Variants in CCDC171 observed in about 807,000 individuals in gnomAD.
CCDC171 encodes the protein coiled-coil domain containing 171.
In CCDC171, 177 loss-of-function variants were observed where a neutral mutation model predicts 168.2. The observed-to-expected ratio is 1.05, with a 90% CI of 0.93 to 1.19. The LOEUF is 1.19. Ranked by LOEUF, CCDC171 falls within the 50% of genes most tolerant of loss-of-function variation. The pLI is 0.00. For synonymous variants in CCDC171, 687 were observed against 540.8 expected (o/e 1.27, Z -3.75); for missense variants, 1,991 against 1,539.0 (o/e 1.29, Z -4.91).
In CCDC171 at chr9:15,594,036, T is replaced by C; in HGVS notation, c.544-5T>C. 2 of 1,575,968 alleles carry C rather than the reference T, an allele frequency of 1.3e-6. No homozygotes were observed. The highest frequency in any genetic ancestry group is 2.3e-5 in the East Asian group (1 of 43,934). On this transcript the variant is annotated splice_region_variant and splice_polypyrimidine_tract_variant and intron_variant, in intron 5 of 25. Transcript: ENST00000380701. Reference sequence around the variant, plus strand: ...ACAGTAAAGCAAGATTTTATTTATATAAAGGAAGCGTTGGAAAAACATCAA... The same window carrying C: ...ACAGTAAAGCAAGATTTTATTTATACAAAGGAAGCGTTGGAAAAACATCAA...
chr9:15,583,449 A>G (rs1171216439), intron 4 of CCDC171, among the ~76,000 whole-genome samples: 2 of 152,020 alleles, frequency 1.3e-5, no homozygotes, highest in South Asian at 2.1e-4. Context: ...ATATACAGCA[A>G]GGAATACTAC....
intron 7 of CCDC171, among the ~76,000 whole-genome samples, chr9:15,631,484 C>A (rs1322130594): frequency 1.3e-5 from 2 of 152,016 alleles, no homozygotes; most frequent in Non-Finnish European, 1.5e-5. Flanking sequence ...AGAAGTTGAC[C>A]TTCTGAATAG....
intron 7 of CCDC171, among the ~76,000 whole-genome samples, chr9:15,643,827 G>A (rs1307455771): frequency 1.3e-5 from 2 of 152,160 alleles, no homozygotes; most frequent in East Asian, 3.8e-4. Flanking sequence ...CATACAGCAT[G>A]TGGTCTTTTG....
chr9:15,744,728 A>C lies in CCDC171; in HGVS notation c.2505A>C (p.Ile835=). 6.2e-7 allele frequency: 1 copy of C among 1,614,080 alleles called. No individual in the cohort carries two copies. The highest frequency in any genetic ancestry group is 1.1e-5 in the South Asian group (1 of 91,086). ...FTWMESFKEG[I]GMLVCTGEPQ... is the part of the protein sequence containing the mutation. ...GGATGGAGAGTTTCAAAGAAGGCAT[A>C]GGCATGTTAGTGTGCACAGGAGAGC... The change falls in exon 17 of 26, where the codon ATA becomes ATC. Residue 835 remains isoleucine, a synonymous_variant. Coordinates refer to ENST00000380701, the MANE Select transcript of CCDC171 (RefSeq NM_173550.4).
At chr9:15,844,677 G>A (rs1301079426) in intron 21 of CCDC171, among the ~76,000 whole-genome samples, 1 of 151,962 alleles carries the variant, frequency 6.6e-6, no homozygotes, top group African/African-American at 2.4e-5. Flanking sequence ...AATAGTATAA[G>A]CTTTAGAAGA....
chr9:15,578,199 T>C (rs183009827), intron 3 of CCDC171, among the ~76,000 whole-genome samples: 13 of 151,790 alleles, frequency 8.6e-5, no homozygotes, highest in African/African-American at 3.1e-4. Flanking sequence ...TCATGCATTT[T>C]TTTGTTTGTT....
At chr9:16,039,726 C>T (rs938521146), upstream of CCDC171, among the ~76,000 whole-genome samples, 1 of 152,158 alleles carries the variant, frequency 6.6e-6, no homozygotes, top group East Asian at 1.9e-4. Context: ...AGAATTTGCA[C>T]ACATTACTCC....
chr9:16,093,204 A>C, the CCDC171 span, among the ~76,000 whole-genome samples: 2 of 152,198 alleles, frequency 1.3e-5, no homozygotes, highest in African/African-American at 4.8e-5. Flanking sequence ...TCTTTGATGA[A>C]AAGCAAATAC....
At chr9:15,750,433 A>G (rs1213075906) in intron 18 of CCDC171, among the ~76,000 whole-genome samples, 3 of 152,194 alleles carry the variant, frequency 2.0e-5, no homozygotes, top group African/African-American at 7.2e-5. Context: ...TACCCAATCA[A>G]TAGAAAAAGA....
rs1201925522 is a variant in CCDC171, at chr9:15,817,775, A to G, written c.3268-28927A>G. Among the ~76,000 whole-genome samples the G allele has an allele frequency of 5.1e-5, 6 of 118,632 alleles. 1 individual carries two copies. Among genetic ancestry groups the G allele is most frequent in the African/African-American group, 1.9e-4 (6 of 31,642 alleles). 77.8% of individuals were successfully genotyped at this position (118,632 alleles called of 152,430 possible). A position where few individuals can be genotyped will look rare whatever the true frequency, so the allele number is the denominator to read the frequency against. The stretch of plus-strand genomic sequence containing the variant: ...TAGGCTCTACCTCTGGGGGCAGGGC[A>G]CAGACAAACAAAAGGCAGCAATAAC... On this transcript the variant is annotated intron_variant, in intron 21 of 25. Coordinates refer to ENST00000380701, the MANE Select transcript of CCDC171 (RefSeq NM_173550.4).
intron 9 of CCDC171, among the ~76,000 whole-genome samples, chr9:15,668,588 A>G (rs1044643701): frequency 1.3e-5 from 2 of 152,150 alleles, no homozygotes; most frequent in Non-Finnish European, 1.5e-5. Flanking sequence ...ATGACAAGTA[A>G]TAACTAAACC....
chr9:15,894,546 C>T (rs1820652294), intron 24 of CCDC171, among the ~76,000 whole-genome samples: 1 of 152,090 alleles, frequency 6.6e-6, no homozygotes, highest in Admixed American at 6.6e-5. Context: ...GCCTTGGGCT[C>T]TTCATGATCT....
At chr9:15,605,638 G>A (rs1453975212) in intron 6 of CCDC171, among the ~76,000 whole-genome samples, 1 of 149,854 alleles carries the variant, frequency 6.7e-6, no homozygotes, top group African/African-American at 2.5e-5. Flanking sequence ...AGTGAGCCAA[G>A]GTCGCACCAC....
intron 4 of CCDC171, among the ~76,000 whole-genome samples, chr9:15,582,249 A>C (rs1336905498): frequency 1.3e-4 from 20 of 152,234 alleles, no homozygotes; most frequent in Admixed American, 7.9e-4. Context: ...CACCAGTTAG[A>C]ATGGGGTTCA....
chr9:15,813,155 T>C (rs1315717440), intron 21 of CCDC171, among the ~76,000 whole-genome samples: 3 of 152,236 alleles, frequency 2.0e-5, no homozygotes, highest in Admixed American at 6.5e-5. Context: ...TAGAGTGTGA[T>C]TGAGTTTTGG....
At chr9:16,068,999 C>G in the CCDC171 span, among the ~76,000 whole-genome samples, 1 of 152,104 alleles carries the variant, frequency 6.6e-6, no homozygotes, top group Non-Finnish European at 1.5e-5. Context: ...GGTAGTTAGA[C>G]CCATTTTAGA....
intron 25 of CCDC171, among the ~76,000 whole-genome samples, chr9:15,943,970 G>A (rs969464779): frequency 2.0e-5 from 3 of 152,016 alleles, no homozygotes; most frequent in Non-Finnish European, 4.4e-5. Flanking sequence ...ATTCCAGGCA[G>A]GGAGAACTAT....
At chr9:15,834,157 CATT>C (rs1026147545) in intron 21 of CCDC171, among the ~76,000 whole-genome samples, 1 of 152,090 alleles carries the variant, frequency 6.6e-6, no homozygotes, top group African/African-American at 2.4e-5. Context: ...TTTTAGTTCT[CATT>C]AATCTGAGAC....
At chr9:15,572,634 C>T (rs1332128663) in intron 3 of CCDC171, among the ~76,000 whole-genome samples, 1 of 152,198 alleles carries the variant, frequency 6.6e-6, no homozygotes, top group Non-Finnish European at 1.5e-5. Context: ...CTGCAGTTCT[C>T]ATGTTGGGAA....
Sources: gnomAD v4.1 joint callset for allele counts (sites outside exome capture counted in the v4.1 genomes callset) on GRCh38, gnomAD v4.1.1 for gene constraint, MANE v1.5 for transcripts, NCBI Gene and HGNC (gene_info 2026-07-23, HGNC 2026-07-21) for gene names.